ZC3HAV1L: variants seen among roughly 807,000 people sequenced by gnomAD.
ZC3HAV1L encodes the protein zinc finger CCCH-type antiviral protein 1-like.
Under a neutral mutation model 28.2 loss-of-function variants are expected in ZC3HAV1L, and 23 were observed. The ratio of observed to expected loss-of-function variants is 0.82; its 90% CI spans 0.59 to 1.16. The LOEUF is 1.16. Among genes scored for constraint, ZC3HAV1L ranks in the 50% most tolerant of loss-of-function variants. The pLI is 0.00. For missense variants in ZC3HAV1L, 376 were observed against 387.7 expected (o/e 0.97, Z 0.25); for synonymous variants, 180 against 163.4 (o/e 1.10, Z -0.78).
chr7:139,024,340 G>T (rs1182508948), downstream of ZC3HAV1L, among the ~76,000 whole-genome samples: 1 of 151,980 alleles, frequency 6.6e-6, no homozygotes, highest in Non-Finnish European at 1.5e-5. Flanking sequence ...ACATATAAAA[G>T]CATAATGATA....
Position 139,034,606 on chromosome 7 carries a change from A to G in ZC3HAV1L, c.438T>C (p.Phe146=), listed in dbSNP as rs201688699. ...TCCGAAGCTGGTTTTCATTGAGACC[A>G]AAAAGTCCATGGCTTTTCAGGACCT... ...NMQVLKSHGL[F]GLNENQLRIL... Residue 146 remains phenylalanine, a synonymous_variant, in exon 2 of 5, where the codon TTT becomes TTC. Transcript: ENST00000275766. 3 of 1,614,068 alleles carry G rather than the reference A, an allele frequency of 1.9e-6. No homozygotes were observed. The highest frequency in any genetic ancestry group is 1.7e-4 in the Middle Eastern group (1 of 6,060).
At chr7:139,026,982 G>A (rs1354956440) in intron 3 of ZC3HAV1L, 149 bp from the exon 4 acceptor site, 10 of 885,452 alleles carry the variant, frequency 1.1e-5, no homozygotes, top group Non-Finnish European at 1.7e-5. Flanking sequence ...AAAATTGTAT[G>A]TGTGTGTGTA....
rs764734169 is a variant in ZC3HAV1L at position 139,026,761 on chromosome 7, T to C, written c.833A>G (p.Glu278Gly). The change falls in exon 4 of 5, where the codon GAA becomes GGA. Residue 278 changes from glutamate (E) to glycine (G), a missense_variant. Glu to Gly is a moderately conservative substitution (Grantham distance 98, BLOSUM62 -2). Transcript: ENST00000275766. ...AGGGACAGAAGCCAGAGGACCAGCT[T>C]CTGCAGCTCCAGCTGCGTGCACTCC... Reference protein sequence around the residue: ...KQGVHAAGAAEAGPLASVPAQ... With the variant: ...KQGVHAAGAAGAGPLASVPAQ... 1 of 1,614,202 alleles carries C rather than the reference T, an allele frequency of 6.2e-7. No individual in the cohort carries two copies. Among genetic ancestry groups the C allele is most frequent in the Non-Finnish European group, 8.5e-7 (1 of 1,180,026 alleles).
At position 139,035,946 on chromosome 7, in the gene ZC3HAV1L, C is replaced by A; in HGVS notation, c.72G>T (p.Lys24Asn). 6.6e-7 allele frequency: 1 copy of A among 1,518,682 alleles called. No individual in the cohort carries two copies. Among genetic ancestry groups the A allele is most frequent in the Non-Finnish European group, 8.8e-7 (1 of 1,141,180 alleles). 94.1% of individuals were successfully genotyped at this position (1,518,682 alleles called of 1,614,324 possible). A position where few individuals can be genotyped will look rare whatever the true frequency, so the allele number is the denominator to read the frequency against. The change falls in exon 1 of 5, where the codon AAG becomes AAT. Residue 24 changes from lysine to asparagine, a missense_variant. Transcript: ENST00000275766. Reference protein sequence around the residue: ...LCAHGGRMFLKDLRGHVELSE... With the variant: ...LCAHGGRMFLNDLRGHVELSE... ...ACAGCTCCACGTGGCCGCGCAGGTC[C>A]TTCAGGAACATGCGGCCGCCGTGGG...
chr7:139,034,591 G>T lies in ZC3HAV1L; in HGVS notation c.453C>A (p.Asn151Lys), dbSNP rs770417892. ...KSHGLFGLNE[N>K]QLRILLLQND... ...TCTGCAAAAGCAGGATCCGAAGCTG[G>T]TTTTCATTGAGACCAAAAAGTCCAT... The change falls in exon 2 of 5, where the codon AAC becomes AAA. Residue 151 changes from asparagine (N) to lysine (K), a missense_variant. By Grantham distance (94) the Asn-to-Lys change is moderately conservative (BLOSUM62 0). Coordinates refer to ENST00000275766, the MANE Select transcript of ZC3HAV1L (RefSeq NM_080660.4). 4 of 1,614,114 alleles carry T rather than the reference G, an allele frequency of 2.5e-6. No individual in the cohort carries two copies. In the East Asian group the frequency reaches 6.7e-5, roughly 27 times the overall value.
chr7:139,028,062 T>G (rs1041488177), intron 3 of ZC3HAV1L, among the ~76,000 whole-genome samples: 2 of 152,156 alleles, frequency 1.3e-5, no homozygotes, highest in Admixed American at 6.6e-5. Context: ...CTTCCTCTTT[T>G]TCCTAACTAT....
At chr7:139,032,430 C>A (rs1487019002) in intron 2 of ZC3HAV1L, among the ~76,000 whole-genome samples, 1 of 151,498 alleles carries the variant, frequency 6.6e-6, no homozygotes, top group Admixed American at 6.6e-5. Context: ...GTCAGGAGAT[C>A]GAGACCATCC....
At chr7:139,029,464 C>T (rs1584819398) in intron 2 of ZC3HAV1L, among the ~76,000 whole-genome samples, 1 of 152,208 alleles carries the variant, frequency 6.6e-6, no homozygotes, top group African/African-American at 2.4e-5. Context: ...CTGCTGTGGG[C>T]ACTGGCTGCT....
At position 139,026,768 on chromosome 7, in the gene ZC3HAV1L, C is replaced by T. The variant is rs2130625423; in HGVS notation, c.826G>A (p.Ala276Thr). The change falls in exon 4 of 5, where the codon GCT (alanine) becomes ACT (threonine). Residue 276 changes from alanine to threonine, a missense_variant. Transcript: ENST00000275766. ...GAAGCCAGAGGACCAGCTTCTGCAG[C>T]TCCAGCTGCGTGCACTCCTTGCTTC... is the stretch of plus-strand genomic sequence containing the variant. ...LEKQGVHAAG[A>T]AEAGPLASVP... 6.2e-7 allele frequency: 1 copy of T among 1,614,218 alleles called. No individual in the cohort carries two copies. Among genetic ancestry groups the T allele is most frequent in the Middle Eastern group, 1.7e-4 (1 of 6,052 alleles).
At chr7:139,022,273 G>C (rs992933360), downstream of ZC3HAV1L, 1 of 205,170 alleles carries the variant, frequency 4.9e-6, no homozygotes, top group African/African-American at 2.4e-5. Context: ...GTTAGGCATA[G>C]TGGCTCATGC....
At chr7:139,026,679 T>C in intron 4 of ZC3HAV1L, 29 bp downstream of exon 4, 1 of 1,613,064 alleles carries the variant, frequency 6.2e-7, no homozygotes, top group African/African-American at 1.3e-5. Flanking sequence ...AAGCTTCTTC[T>C]TAGTTCACTG....
intron 2 of ZC3HAV1L, among the ~76,000 whole-genome samples, chr7:139,029,312 T>C (rs1815456162): frequency 6.6e-6 from 1 of 152,148 alleles, no homozygotes; most frequent in African/African-American, 2.4e-5. Context: ...CCAATATTAG[T>C]TTTCACTCTA....
intron 3 of ZC3HAV1L, among the ~76,000 whole-genome samples, chr7:139,027,411 G>A (rs1225817348): frequency 7.9e-5 from 12 of 152,194 alleles, no homozygotes; most frequent in African/African-American, 2.9e-4. Flanking sequence ...AGTGGCTCAC[G>A]CCTGTCATCC....
chr7:139,033,887 G>A, intron 2 of ZC3HAV1L: 1 of 985,378 alleles, frequency 1.0e-6, no homozygotes, highest in Non-Finnish European at 1.2e-6. Flanking sequence ...GCTACTGCTT[G>A]CATCTACTTT....
At chr7:139,031,340 T>C (rs1248751483) in intron 2 of ZC3HAV1L, among the ~76,000 whole-genome samples, 2 of 152,144 alleles carry the variant, frequency 1.3e-5, no homozygotes, top group Non-Finnish European at 2.9e-5. Context: ...ATCCTAACAC[T>C]GTGGGAGGCC....
chr7:139,024,413 C>A (rs982996365), downstream of ZC3HAV1L, among the ~76,000 whole-genome samples: 4 of 152,214 alleles, frequency 2.6e-5, no homozygotes, highest in Admixed American at 2.0e-4. Context: ...AAAGGAAATG[C>A]ATTTATACCC....
intron 2 of ZC3HAV1L, among the ~76,000 whole-genome samples, chr7:139,030,142 C>T (rs11768697): frequency 0.52 from 79,655 of 152,058 alleles, 21,248 homozygotes; most frequent in South Asian, 0.56. Context: ...CGTAAAAAAA[C>T]TCTTGCTATA....
chr7:139,028,093 A>G (rs6467820), intron 3 of ZC3HAV1L, among the ~76,000 whole-genome samples: 87,282 of 151,792 alleles, frequency 0.58, 25,988 homozygotes, highest in African/African-American at 0.71. Context: ...CTGTTCTACT[A>G]GGCCGGGCGT....
chr7:139,035,767 G>A lies in ZC3HAV1L; in HGVS notation c.251C>T (p.Ala84Val). 6.7e-7 allele frequency: 1 copy of A among 1,497,464 alleles called. No homozygotes were observed. The highest frequency in any genetic ancestry group is 2.2e-5 in the Admixed American group (1 of 46,250). The allele number at this position is 1,497,464 out of a possible 1,614,324, so 92.8% of individuals were successfully genotyped here. ...GGCGCAGAGGCGCACAGAGGACACG[G>A]CCACCACCCTCCAGGCGGAGGTGCC... is the stretch of plus-strand genomic sequence containing the variant. ...GGGTSAWRVV[A>V]VSSVRLCARY... The change falls in exon 1 of 5, where the codon GCC (alanine) becomes GTC (valine). Residue 84 changes from alanine to valine, a missense_variant. Transcript: ENST00000275766.
Sources: gnomAD v4.1 joint callset for allele counts (sites outside exome capture counted in the v4.1 genomes callset) on GRCh38, gnomAD v4.1.1 for gene constraint, MANE v1.5 for transcripts, NCBI Gene and HGNC (gene_info 2026-07-23, HGNC 2026-07-21) for gene names.